The following RFFL variants were observed in gnomAD, a reference collection of about 807,000 sequenced individuals.
The protein encoded by RFFL is ring finger and FYVE like domain containing E3 ubiquitin protein ligase, also known as E3 ubiquitin-protein ligase rififylin.
A neutral mutation model predicts 40.4 loss-of-function variants in RFFL; 16 were observed. The ratio of observed to expected loss-of-function variants is 0.40; its 90% CI spans 0.27 to 0.60. RFFL has a LOEUF of 0.60. RFFL is among the 20% of genes least tolerant of loss of function. RFFL has a pLI of 0.47. For missense variants in RFFL, 367 were observed against 451.7 expected (o/e 0.81, Z 1.70); for synonymous variants, 154 against 167.9 (o/e 0.92, Z 0.64).
chr17:35,026,631 G>A (rs1053580895), intron 1 of RFFL, 70 bp from the exon 2 acceptor site: 13 of 1,233,690 alleles, frequency 1.1e-5, no homozygotes, highest in Non-Finnish European at 1.5e-5. Context: ...TGATGTCCGA[G>A]AGCACAGGTG....
rs2090911776 is a variant in RFFL at position 35,008,460 on chromosome 17, G to T, written c.*3508C>A. The T allele has an allele frequency of 6.6e-6, 1 of 150,956 alleles. No homozygotes were observed. The highest frequency in any genetic ancestry group is 1.5e-5 in the Non-Finnish European group (1 of 67,806). The allele number at this position is 150,956 out of a possible 1,614,324, so 9.4% of individuals were successfully genotyped here. On this transcript the variant is annotated 3_prime_UTR_variant, in exon 7 of 7. Coordinates refer to ENST00000394597, the MANE Select transcript of RFFL (RefSeq NM_001017368.2). ...AATTTTTTTTTTTTTTTAATACAGG[G>T]TCTCACTCTGTCACCCTGGCTGGAG...
chr17:35,087,118 G>C (rs1597848931), intron 1 of RFFL, among the ~76,000 whole-genome samples: 1 of 152,228 alleles, frequency 6.6e-6, no homozygotes, highest in African/African-American at 2.4e-5. Flanking sequence ...TCAGAACTTG[G>C]GGAAGCCAAG....
At chr17:35,088,506 G>C (rs892176034) in intron 1 of RFFL, among the ~76,000 whole-genome samples, 3 of 152,184 alleles carry the variant, frequency 2.0e-5, no homozygotes, top group Non-Finnish European at 4.4e-5. Context: ...CGGCTGAAGA[G>C]AGGCCCCATT....
intron 1 of RFFL, among the ~76,000 whole-genome samples, chr17:35,088,276 TATGGTAGACTGGGGGGTGC>T: frequency 6.6e-6 from 1 of 152,228 alleles, no homozygotes; most frequent in East Asian, 1.9e-4. Flanking sequence ...TATCCTTCCT[TATGGTAGACTGGGGGGTGC>T]ACGGTACACT....
intron 6 of RFFL, 21 bp from the exon 7 acceptor site, chr17:35,012,170 GAAA>G (rs775077094): frequency 1.2e-6 from 2 of 1,600,278 alleles, no homozygotes; most frequent in East Asian, 4.5e-5. Context: ...ACACAGGGCA[GAAA>G]AAAAGGGGCA....
chr17:35,051,164 G>C (rs565242313), intron 1 of RFFL, among the ~76,000 whole-genome samples: 74 of 152,228 alleles, frequency 4.9e-4, no homozygotes, highest in African/African-American at 1.7e-3. Flanking sequence ...AAACAACCAT[G>C]CCCAGGAAGA....
At chr17:35,016,784 G>A (rs1362983015) in intron 4 of RFFL, among the ~76,000 whole-genome samples, 2 of 152,166 alleles carry the variant, frequency 1.3e-5, no homozygotes, top group Non-Finnish European at 2.9e-5. Context: ...TCTGTGCTCA[G>A]GAGCAAACAG....
chr17:35,019,952 C>CTT (rs1567701238), intron 3 of RFFL, among the ~76,000 whole-genome samples: 5 of 152,324 alleles, frequency 3.3e-5, no homozygotes, highest in Admixed American at 6.5e-5. Flanking sequence ...TCAGGGGGCC[C>CTT]AGTCCTGGCA....
intron 3 of RFFL, among the ~76,000 whole-genome samples, chr17:35,020,658 A>G (rs2091002758): frequency 6.6e-6 from 1 of 151,984 alleles, no homozygotes; most frequent in South Asian, 2.1e-4. Context: ...AATTATGTCC[A>G]CTGGCCTCAC....
upstream of RFFL, among the ~76,000 whole-genome samples, chr17:35,064,767 CT>C (rs1391036566): frequency 1.3e-5 from 2 of 152,192 alleles, no homozygotes; most frequent in Admixed American, 1.3e-4. Flanking sequence ...CTGGATGTAG[CT>C]GCCAACTCAG....
intron 6 of RFFL, 139 bp from the exon 7 acceptor site, chr17:35,012,288 A>C: frequency 1.5e-6 from 1 of 676,108 alleles, no homozygotes; most frequent in South Asian, 2.1e-5. Context: ...GCTTCCCTCA[A>C]ATAGAGCTCC....
chr17:35,068,189 CT>C (rs891522668), upstream of RFFL, among the ~76,000 whole-genome samples: 20 of 152,202 alleles, frequency 1.3e-4, no homozygotes, highest in African/African-American at 4.6e-4. Context: ...AAAGTAGAGG[CT>C]TTTGACTTCC....
At chr17:35,059,709 C>CT (rs1370351327) in intron 1 of RFFL, among the ~76,000 whole-genome samples, 1 of 152,154 alleles carries the variant, frequency 6.6e-6, no homozygotes, top group Non-Finnish European at 1.5e-5. Flanking sequence ...CCTCTTAAAT[C>CT]TTTGAAGTTC....
In RFFL at chr17:35,007,106, A is replaced by C. The variant is rs1240345147; in HGVS notation, c.*4862T>G. On this transcript the variant is annotated 3_prime_UTR_variant, in exon 7 of 7. Transcript: ENST00000394597. ...CAAACAAACAACCGGACAGGGCAGC[A>C]GAACAAGGCTGTCTCCTCAGGATCC... 6.6e-6 allele frequency: 1 copy of C among 152,306 alleles called. No individual in the cohort carries two copies. Among genetic ancestry groups the C allele is most frequent in the Non-Finnish European group, 1.5e-5 (1 of 68,120 alleles). 9.4% of individuals were successfully genotyped at this position (152,306 alleles called of 1,614,324 possible).
At chr17:35,026,597 T>C (rs1567703385) in intron 1 of RFFL, 36 bp from the exon 2 acceptor site, 1 of 1,551,322 alleles carries the variant, frequency 6.4e-7, no homozygotes, top group Non-Finnish European at 8.8e-7. Context: ...AGGTCAGAGT[T>C]AAGACACACC....
chr17:35,054,513 AACTCTT>A (rs1418167183), intron 1 of RFFL, among the ~76,000 whole-genome samples: 1 of 152,074 alleles, frequency 6.6e-6, no homozygotes, highest in Non-Finnish European at 1.5e-5. Flanking sequence ...TAATTTACTG[AACTCTT>A]ACTCTATCTT....
At position 35,008,184 on chromosome 17, in the gene RFFL, G is replaced by A. The variant is rs954776287; in HGVS notation, c.*3784C>T. 1 of 152,226 alleles carries A rather than the reference G, an allele frequency of 6.6e-6. No homozygotes were observed. Among genetic ancestry groups the A allele is most frequent in the African/African-American group, 2.4e-5 (1 of 41,460 alleles). The allele number at this position is 152,226 out of a possible 1,614,324, so 9.4% of individuals were successfully genotyped here. Reference sequence around the variant, plus strand: ...AGTTCTTTAAGGCCCATCTCTTCTAGATCAGTGTAAATATCTGAACTCACT... The same window carrying A: ...AGTTCTTTAAGGCCCATCTCTTCTAAATCAGTGTAAATATCTGAACTCACT... On this transcript the variant is annotated 3_prime_UTR_variant, in exon 7 of 7. Transcript: ENST00000394597.
intron 2 of RFFL, among the ~76,000 whole-genome samples, chr17:35,024,138 T>TGG (rs2091026931): frequency 6.6e-6 from 1 of 152,172 alleles, no homozygotes; most frequent in Non-Finnish European, 1.5e-5. Context: ...GAACTGGCCG[T>TGG]GGCGCCTCAG....
intron 1 of RFFL, chr17:35,076,841 G>C: frequency 4.2e-6 from 1 of 236,184 alleles, no homozygotes; most frequent in South Asian, 6.7e-5. Flanking sequence ...GCTGCCAAGC[G>C]CAAGAGGAAG....
Sources: allele counts gnomAD v4.1 joint callset (sites outside exome capture counted in the v4.1 genomes callset), GRCh38; gene constraint gnomAD v4.1.1; transcripts MANE v1.5; gene names NCBI Gene and HGNC (gene_info 2026-07-23, HGNC 2026-07-21).